RHOT1: variants seen among roughly 807,000 people sequenced by gnomAD.
The protein encoded by RHOT1 is mitochondrial Rho GTPase 1.
In RHOT1, 27 loss-of-function variants were observed where a neutral mutation model predicts 95.3. The observed-to-expected ratio is 0.28, with a 90% CI of 0.21 to 0.39. The LOEUF (loss-of-function observed/expected upper bound fraction) is 0.39. Ranked by LOEUF, RHOT1 falls within the 10% of genes least tolerant of loss-of-function variation. The pLI is 1.00. For synonymous variants in RHOT1, 227 were observed against 263.5 expected, an observed-to-expected ratio of 0.86 and a Z score of 1.34; for missense variants, 578 against 786.7, an observed-to-expected ratio of 0.73 and a Z score of 3.17.
intron 19 of RHOT1, among the ~76,000 whole-genome samples, chr17:32,215,030 C>T (rs576645385): frequency 1.5e-4 from 23 of 150,760 alleles, no homozygotes; most frequent in Admixed American, 7.3e-4. Context: ...CCTCAGCCTC[C>T]GGAGTAGCTG....
At chr17:32,142,772 C>A (rs764375568) in intron 1 of RHOT1, 43 bp downstream of exon 1, 6 of 1,469,598 alleles carry the variant, frequency 4.1e-6, no homozygotes, top group Admixed American at 2.4e-5. Flanking sequence ...CCCTGCCCTC[C>A]CTGCCCCTGC....
At chr17:32,165,187 A>T (rs1228406747) in intron 1 of RHOT1, among the ~76,000 whole-genome samples, 4 of 151,844 alleles carry the variant, frequency 2.6e-5, no homozygotes, top group Non-Finnish European at 4.4e-5. Context: ...AATACAAAAA[A>T]TTAGCTGGGC....
chr17:32,207,147 CAT>C, intron 17 of RHOT1, 118 bp downstream of exon 17: 1 of 954,414 alleles, frequency 1.0e-6, no homozygotes, highest in Non-Finnish European at 1.6e-6. Flanking sequence ...TTTAAAAATA[CAT>C]ACATCTTTAC....
At chr17:32,212,797 G>A (rs771662036) in intron 19 of RHOT1, among the ~76,000 whole-genome samples, 3 of 151,720 alleles carry the variant, frequency 2.0e-5, no homozygotes, top group African/African-American at 4.8e-5. Flanking sequence ...ATTTGAAGAC[G>A]GCCATCATGT....
chr17:32,149,613 A>ATGTGTGTGTG (rs1261403430), intron 1 of RHOT1, among the ~76,000 whole-genome samples: 13 of 82,140 alleles, frequency 1.6e-4, no homozygotes, highest in African/African-American at 7.5e-4. Context: ...ATATATATAT[A>ATGTGTGTGTG]TATATATATA....
At chr17:32,184,642 C>T (rs1260514662) in intron 8 of RHOT1, among the ~76,000 whole-genome samples, 3 of 151,890 alleles carry the variant, frequency 2.0e-5, no homozygotes, top group African/African-American at 7.3e-5. Context: ...AGGCATTCGC[C>T]ACCGTGCCCA....
intron 19 of RHOT1, among the ~76,000 whole-genome samples, chr17:32,218,916 T>C (rs1020762097): frequency 1.3e-5 from 2 of 152,188 alleles, no homozygotes; most frequent in Non-Finnish European, 2.9e-5. Flanking sequence ...AAAAGCTAAA[T>C]ATGGTATCTC....
Position 32,192,305 on chromosome 17 carries a change from G to A in RHOT1, c.639+6G>A. The A allele has an allele frequency of 7.2e-7, 1 of 1,392,184 alleles. No individual in the cohort carries two copies. Among genetic ancestry groups the A allele is most frequent in the African/African-American group, 1.5e-5 (1 of 67,090 alleles). 86.2% of individuals were successfully genotyped at this position (1,392,184 alleles called of 1,614,324 possible). ...CTGAACTCAACTTCTTTCAGGTAAT[G>A]GTCCTTTATTTCAGACATTTGCGTA... is the stretch of plus-strand genomic sequence containing the variant. On this transcript the variant is annotated splice_donor_region_variant and intron_variant, in intron 9 of 19. Transcript: ENST00000545287.
intron 6 of RHOT1, among the ~76,000 whole-genome samples, chr17:32,180,830 G>A (rs770536758): frequency 3.9e-5 from 6 of 151,978 alleles, no homozygotes; most frequent in East Asian, 1.9e-4. Context: ...CTGCAAGTGC[G>A]TGCCATCACA....
chr17:32,156,973 G>A (rs906159096), intron 1 of RHOT1, among the ~76,000 whole-genome samples: 1 of 152,220 alleles, frequency 6.6e-6, no homozygotes, highest in Non-Finnish European at 1.5e-5. Context: ...AGATGAATAA[G>A]CAGCCTTGAT....
chr17:32,175,498 C>CT, intron 4 of RHOT1, 136 bp downstream of exon 4: 1 of 876,528 alleles, frequency 1.1e-6, no homozygotes, highest in Non-Finnish European at 1.9e-6. Flanking sequence ...GTCACCCACT[C>CT]TGTCACCCAG....
At chr17:32,194,414 G>A (rs1048745136) in intron 11 of RHOT1, among the ~76,000 whole-genome samples, 4 of 152,170 alleles carry the variant, frequency 2.6e-5, no homozygotes, top group Non-Finnish European at 5.9e-5. Flanking sequence ...AGCACTATTG[G>A]CATTTTGGAC....
chr17:32,223,026 A>G (rs747907880), intron 19 of RHOT1: 14 of 221,806 alleles, frequency 6.3e-5, no homozygotes, highest in African/African-American at 1.9e-4. Context: ...GCAAGCTGGA[A>G]TGAACCTGTG....
intron 19 of RHOT1, among the ~76,000 whole-genome samples, chr17:32,220,805 C>CA (rs35901144): frequency 0.44 from 42,959 of 98,684 alleles, 7,681 homozygotes; most frequent in African/African-American, 0.55. Flanking sequence ...GACTCTGTCT[C>CA]AAAAAAAAAA....
chr17:32,149,635 A>ATATGTGTG (rs1445281403), intron 1 of RHOT1, among the ~76,000 whole-genome samples: 23 of 59,078 alleles, frequency 3.9e-4, no homozygotes, highest in Non-Finnish European at 3.8e-4. Context: ...ATATATATAT[A>ATATGTGTG]TGTGTGTGTG....
At chr17:32,169,699 A>T (rs372237347) in intron 1 of RHOT1, among the ~76,000 whole-genome samples, 2 of 152,208 alleles carry the variant, frequency 1.3e-5, no homozygotes, top group South Asian at 4.1e-4. Context: ...TAATTGTTGC[A>T]TTGTTTATAA....
chr17:32,147,176 C>G (rs957667485), intron 1 of RHOT1, among the ~76,000 whole-genome samples: 3 of 151,854 alleles, frequency 2.0e-5, no homozygotes, highest in African/African-American at 7.3e-5. Flanking sequence ...TCCCAAGTAA[C>G]TGGGATTACA....
intron 6 of RHOT1, among the ~76,000 whole-genome samples, chr17:32,176,539 C>G (rs74764855): frequency 0.041 from 5,924 of 145,610 alleles, 148 homozygotes; most frequent in Non-Finnish European, 0.059. Context: ...TGAAAAGTCT[C>G]AGTTTTATTT....
chr17:32,199,379 C>G, intron 12 of RHOT1, 26 bp from the exon 13 acceptor site: 1 of 1,591,208 alleles, frequency 6.3e-7, no homozygotes. Context: ...GATATCTAAA[C>G]ATTCTGTATC....
Sources: gnomAD v4.1 joint callset for allele counts (sites outside exome capture counted in the v4.1 genomes callset) on GRCh38, gnomAD v4.1.1 for gene constraint, MANE v1.5 for transcripts, NCBI Gene and HGNC (gene_info 2026-07-23, HGNC 2026-07-21) for gene names.